The following NRK variants were observed in gnomAD, a reference collection of about 807,000 sequenced individuals.
The protein encoded by NRK is Nik related kinase.
NRK carries 67 observed loss-of-function variants against 125.2 expected under a neutral mutation model. That is an observed-to-expected ratio of 0.54 (90% CI 0.44 to 0.66). The LOEUF (loss-of-function observed/expected upper bound fraction) is 0.66, where lower values mean the gene tolerates loss of function less well. Ranked by LOEUF, NRK falls within the 30% of genes least tolerant of loss-of-function variation. The probability of loss-of-function intolerance (pLI) is 0.00; values close to 1 mark genes in which losing one functional copy is unlikely to be tolerated. For missense variants in NRK, 1,224 were observed against 1,192.9 expected (o/e 1.03, Z -0.38); for synonymous variants, 458 against 429.0 (o/e 1.07, Z -0.84).
At chrX:105,931,717 C>A (rs1388211067) in intron 19 of NRK, among the ~76,000 whole-genome samples, 2 of 111,408 alleles carry the variant, frequency 1.8e-5, no homozygotes, top group Non-Finnish European at 3.8e-5. Context: ...ACCAGTTGAA[C>A]TCTGTTTATT....
At chrX:105,920,781 A>T (rs2040431904) in intron 16 of NRK, among the ~76,000 whole-genome samples, 2 of 107,533 alleles carry the variant, frequency 1.9e-5, no homozygotes, top group Admixed American at 2.0e-4. Flanking sequence ...CCACAATGAG[A>T]TACCATCTCA....
chrX:105,906,544 T>C lies in NRK; in HGVS notation c.976T>C (p.Leu326=), dbSNP rs775765997. Residue 326 remains leucine, a synonymous_variant, in exon 11 of 29, where the codon TTA becomes CTA. Transcript: ENST00000243300. ...AAATGAACGACATGTTGTTGAGTCATTAACAAGGCATCTTACTGGAATCAT... is the reference window on the plus strand; with the variant it reads ...AAATGAACGACATGTTGTTGAGTCACTAACAAGGCATCTTACTGGAATCAT... ...IKNERHVVES[L]TRHLTGIIKK... The C allele has an allele frequency of 6.1e-6, 7 of 1,138,855 alleles. No homozygotes were observed. In the South Asian group the frequency reaches 9.0e-5, roughly 15 times the overall value. 93.9% of individuals were successfully genotyped at this position (1,138,855 alleles called of 1,213,427 possible).
chrX:105,889,101 G>A (rs1602642427), intron 5 of NRK, among the ~76,000 whole-genome samples: 1 of 112,231 alleles, frequency 8.9e-6, no homozygotes, highest in African/African-American at 3.2e-5. Flanking sequence ...AAAATCAAAA[G>A]CAAGTTAGTT....
rs374299805 is a variant in NRK, at chrX:105,906,449, C to T, written c.881C>T (p.Thr294Met). 5 of 1,159,439 alleles carry T rather than the reference C, an allele frequency of 4.3e-6. No individual in the cohort carries two copies. The highest frequency in any genetic ancestry group is 2.3e-5 in the Admixed American group (1 of 42,810). ...RKFHNFMEKC[T>M]IKNFLFRPTS... ...TTCCACAATTTCATGGAAAAGTGTA[C>T]GATAAAAAATTTCCTGTTTCGTCCT... Residue 294 changes from threonine to methionine, a missense_variant, in exon 11 of 29, where the codon ACG (threonine) becomes ATG (methionine). By Grantham distance (81) the Thr-to-Met change is moderately conservative (BLOSUM62 -1). Transcript: ENST00000243300.
intron 2 of NRK, among the ~76,000 whole-genome samples, chrX:105,868,076 T>TG (rs1404678742): frequency 9.0e-6 from 1 of 111,485 alleles, no homozygotes; most frequent in Admixed American, 9.6e-5. Flanking sequence ...AACTAATTTT[T>TG]ATATTTCCTT....
intron 1 of NRK, among the ~76,000 whole-genome samples, 154 bp from the exon 2 acceptor site, chrX:105,830,900 G>C (rs1481452563): frequency 1.8e-5 from 2 of 109,858 alleles, no homozygotes; most frequent in African/African-American, 6.6e-5. Flanking sequence ...AATGGGTGCA[G>C]CACACCAACA....
At chrX:105,852,836 T>C (rs2039488700) in intron 2 of NRK, among the ~76,000 whole-genome samples, 1 of 112,150 alleles carries the variant, frequency 8.9e-6, no homozygotes, top group Non-Finnish European at 1.9e-5. Flanking sequence ...CTAGTCACTA[T>C]AGATTTACTG....
chrX:105,939,301 C>G (rs1395130598), intron 22 of NRK, among the ~76,000 whole-genome samples: 1 of 111,292 alleles, frequency 9.0e-6, no homozygotes, highest in African/African-American at 3.3e-5. Context: ...GCCTGTGTTT[C>G]CTGACTGAAT....
At chrX:105,938,147 A>G (rs902653974) in intron 22 of NRK, among the ~76,000 whole-genome samples, 20 of 111,627 alleles carry the variant, frequency 1.8e-4, no homozygotes, top group African/African-American at 6.5e-4. Flanking sequence ...GAGTGTTAAG[A>G]GTGATCGTGA....
At chrX:105,918,758 A>C (rs1167066779) in intron 16 of NRK, among the ~76,000 whole-genome samples, 2 of 110,962 alleles carry the variant, frequency 1.8e-5, no homozygotes, top group African/African-American at 3.3e-5. Flanking sequence ...AAGCAGTCAT[A>C]GCATTGATAG....
At chrX:105,868,448 C>G (rs2039700255) in intron 2 of NRK, among the ~76,000 whole-genome samples, 1 of 111,239 alleles carries the variant, frequency 9.0e-6, no homozygotes, top group African/African-American at 3.3e-5. Context: ...CATGCATACA[C>G]ATATACACAC....
At position 105,822,798 on chromosome X, in the gene NRK, T is replaced by C; in HGVS notation, c.-48T>C. 9.0e-7 allele frequency: 1 copy of C among 1,115,928 alleles called. No homozygotes were observed. The highest frequency in any genetic ancestry group is 1.9e-5 in the South Asian group (1 of 51,615). The allele number at this position is 1,115,928 out of a possible 1,213,427, so 92.0% of individuals were successfully genotyped here. On this transcript the variant is annotated 5_prime_UTR_variant, in exon 1 of 29. Coordinates refer to ENST00000243300, the MANE Select transcript of NRK (RefSeq NM_198465.4). ...CTTCATCCGCTTCCACCTCAGACTC[T>C]GCGCGCACCCAATTCAGTCGCCCGC...
In NRK at chrX:105,946,529, CA is replaced by C; in HGVS notation, c.4353+69del. Reference sequence around the variant, plus strand: ...CCACCATTTGAGTTTTTCCAACTGTCAAAACTCTGAAAGGTTTAAAAATATG... The same window carrying C: ...CCACCATTTGAGTTTTTCCAACTGTCAAACTCTGAAAGGTTTAAAAATATG... On this transcript the variant is annotated intron_variant, in intron 26 of 28. Transcript: ENST00000243300. The C allele has an allele frequency of 6.1e-6, 5 of 814,162 alleles. No individual in the cohort carries two copies. The South Asian group carries it at 1.0e-4, about 16-fold the overall frequency. The allele number at this position is 814,162 out of a possible 1,213,427, so 67.1% of individuals were successfully genotyped here.
intron 2 of NRK, among the ~76,000 whole-genome samples, chrX:105,858,277 A>G (rs893808956): frequency 9.1e-6 from 1 of 110,219 alleles, no homozygotes; most frequent in African/African-American, 3.3e-5. Context: ...ATGTGACTGC[A>G]TGTGTTTGTC....
chrX:105,901,902 T>C (rs1169704890), intron 9 of NRK, among the ~76,000 whole-genome samples: 1 of 110,987 alleles, frequency 9.0e-6, no homozygotes, highest in African/African-American at 3.3e-5. Context: ...TGATTATTTC[T>C]GTTTTGGAAA....
At chrX:105,950,013 A>G (rs2040870499) in intron 27 of NRK, among the ~76,000 whole-genome samples, 1 of 111,966 alleles carries the variant, frequency 8.9e-6, no homozygotes, top group Non-Finnish European at 1.9e-5. Flanking sequence ...ACAAAAATCT[A>G]TAATTTTGTT....
intron 28 of NRK, among the ~76,000 whole-genome samples, chrX:105,953,802 C>T (rs2040935363): frequency 9.0e-6 from 1 of 111,454 alleles, no homozygotes; most frequent in Non-Finnish European, 1.9e-5. Flanking sequence ...ATTACCATTC[C>T]TACCTATTAT....
intron 2 of NRK, among the ~76,000 whole-genome samples, chrX:105,860,913 A>G (rs1647473749): frequency 9.0e-6 from 1 of 110,867 alleles, no homozygotes; most frequent in African/African-American, 3.3e-5. Context: ...TTTTGTGGCT[A>G]TTATTAATAA....
chrX:105,948,717 T>C, intron 26 of NRK: 1 of 509,063 alleles, frequency 2.0e-6, no homozygotes, highest in Non-Finnish European at 3.5e-6. Context: ...TTGTTGTTGC[T>C]GGGACATGGC....
Sources: gnomAD v4.1 joint callset for allele counts (sites outside exome capture counted in the v4.1 genomes callset) on GRCh38, gnomAD v4.1.1 for gene constraint, MANE v1.5 for transcripts, NCBI Gene and HGNC (gene_info 2026-07-23, HGNC 2026-07-21) for gene names.